The following MALRD1 variants were observed in gnomAD, a reference collection of about 807,000 sequenced individuals.
The protein encoded by MALRD1 is MAM and LDL-receptor class A domain-containing protein 1.
In MALRD1, 247 loss-of-function variants were observed where a neutral mutation model predicts 242.1. That is an observed-to-expected ratio of 1.02 (90% CI 0.92 to 1.13). The LOEUF (loss-of-function observed/expected upper bound fraction) is 1.13. Among genes scored for constraint, MALRD1 ranks in the 50% most tolerant of loss-of-function variants. The pLI, the probability that MALRD1 is intolerant of heterozygous loss-of-function variation, is 0.00. For missense variants in MALRD1, 2,989 were observed against 2,533.1 expected (o/e 1.18, Z -3.86); for synonymous variants, 995 against 866.6 (o/e 1.15, Z -2.60).
chr10:19,160,941 G>T (rs1404553327), intron 12 of MALRD1, among the ~76,000 whole-genome samples: 1 of 151,086 alleles, frequency 6.6e-6, no homozygotes, highest in African/African-American at 2.4e-5. Context: ...TTTTTGAAGG[G>T]TTTTTTGTGT....
chr10:19,073,222 C>T (rs1193199539), intron 2 of MALRD1, among the ~76,000 whole-genome samples: 1 of 151,760 alleles, frequency 6.6e-6, no homozygotes, highest in Non-Finnish European at 1.5e-5. Context: ...GCCTCTTAAC[C>T]CATTTTTAAT....
At chr10:19,105,772 G>A (rs1042640772) in intron 5 of MALRD1, among the ~76,000 whole-genome samples, 2 of 151,960 alleles carry the variant, frequency 1.3e-5, no homozygotes, top group African/African-American at 4.8e-5. Context: ...GCATTTCCCT[G>A]AGGATGAATG....
At chr10:19,694,736 G>A (rs974049505) in intron 38 of MALRD1, among the ~76,000 whole-genome samples, 1 of 152,104 alleles carries the variant, frequency 6.6e-6, no homozygotes, top group Non-Finnish European at 1.5e-5. Context: ...ATACCCAAAG[G>A]GATATAAATC....
chr10:19,126,711 A>AT (rs917821898), intron 7 of MALRD1, among the ~76,000 whole-genome samples: 35 of 150,000 alleles, frequency 2.3e-4, no homozygotes, highest in African/African-American at 5.4e-4. Context: ...ATTATTTTTT[A>AT]TTTTTTTTTA....
At chr10:19,470,169 T>C (rs7919431) in intron 29 of MALRD1, among the ~76,000 whole-genome samples, 52,536 of 151,866 alleles carry the variant, frequency 0.35, 9,162 homozygotes, top group East Asian at 0.46. Flanking sequence ...TAAAAGAAGA[T>C]TCCACATATA....
intron 14 of MALRD1, among the ~76,000 whole-genome samples, chr10:19,180,582 A>C (rs183480142): frequency 1.4e-4 from 22 of 152,336 alleles, no homozygotes; most frequent in Middle Eastern, 3.4e-3. Flanking sequence ...AAATGTAAGA[A>C]AGTCCTAAAT....
At chr10:19,260,305 A>G (rs1027750342) in intron 19 of MALRD1, among the ~76,000 whole-genome samples, 20 of 152,126 alleles carry the variant, frequency 1.3e-4, no homozygotes, top group Non-Finnish European at 1.2e-4. Context: ...AGACAGATAG[A>G]TCTTAATCAT....
intron 36 of MALRD1, among the ~76,000 whole-genome samples, chr10:19,634,220 CCT>C (rs1840031136): frequency 6.6e-6 from 1 of 152,144 alleles, no homozygotes; most frequent in Non-Finnish European, 1.5e-5. Flanking sequence ...CCTCTCATTT[CCT>C]GCTGCTTTCC....
chr10:19,229,037 T>G (rs1186822846), intron 18 of MALRD1, among the ~76,000 whole-genome samples: 2 of 151,958 alleles, frequency 1.3e-5, no homozygotes, highest in African/African-American at 4.8e-5. Flanking sequence ...AAAAATTTTA[T>G]TGGGGTTTTG....
intron 9 of MALRD1, among the ~76,000 whole-genome samples, chr10:19,136,339 GTT>G (rs60455365): frequency 6.9e-5 from 10 of 144,994 alleles, no homozygotes; most frequent in Admixed American, 4.1e-4. Flanking sequence ...GTTTCCATCA[GTT>G]TTTTTTTTTT....
At chr10:19,666,594 G>T (rs1447179005) in intron 36 of MALRD1, among the ~76,000 whole-genome samples, 1 of 152,042 alleles carries the variant, frequency 6.6e-6, no homozygotes, top group Non-Finnish European at 1.5e-5. Flanking sequence ...ATTCTCTTGG[G>T]AATATTGCCA....
Position 19,331,413 on chromosome 10 carries a change from A to G in MALRD1, c.3732A>G (p.Val1244=). Residue 1244 remains valine, a synonymous_variant, in exon 24 of 40, where the codon GTA becomes GTG. Coordinates refer to ENST00000454679, the MANE Select transcript of MALRD1 (RefSeq NM_001142308.3). ...GTGGTATCAGTTACATAGGAGATGT[A>G]GCAGTGGATGATATTTCCTTCCAAG... ...AKRGISYIGD[V]AVDDISFQDC... 6.4e-7 allele frequency: 1 copy of G among 1,550,524 alleles called. No individual in the cohort carries two copies. Among genetic ancestry groups the G allele is most frequent in the Non-Finnish European group, 8.7e-7 (1 of 1,146,916 alleles).
intron 5 of MALRD1, among the ~76,000 whole-genome samples, chr10:19,112,507 G>A (rs1588561445): frequency 6.6e-6 from 1 of 152,126 alleles, no homozygotes; most frequent in Admixed American, 6.6e-5. Context: ...ATCACCCCCA[G>A]TACTGTTAGA....
chr10:19,685,905 G>T (rs944366576), intron 36 of MALRD1, among the ~76,000 whole-genome samples: 1 of 152,160 alleles, frequency 6.6e-6, no homozygotes, highest in Admixed American at 6.5e-5. Context: ...GCGGTGATAG[G>T]TGTGGTTCTG....
At chr10:19,499,626 T>A (rs1272746504) in intron 31 of MALRD1, among the ~76,000 whole-genome samples, 1 of 152,150 alleles carries the variant, frequency 6.6e-6, no homozygotes, top group East Asian at 1.9e-4. Flanking sequence ...TCCTTCTGTA[T>A]ATACACACAT....
intron 28 of MALRD1, among the ~76,000 whole-genome samples, chr10:19,414,590 G>A (rs1833428231): frequency 6.6e-6 from 1 of 152,158 alleles, no homozygotes; most frequent in Admixed American, 6.6e-5. Context: ...CCAGAAAGAT[G>A]TTAAAGTTAG....
chr10:19,384,467 A>G (rs1485691301), intron 26 of MALRD1, among the ~76,000 whole-genome samples: 1 of 117,246 alleles, frequency 8.5e-6, no homozygotes, highest in Non-Finnish European at 1.6e-5. Context: ...TATAATATAT[A>G]CTATATATTA....
chr10:19,509,544 T>G (rs1447036700), intron 31 of MALRD1, among the ~76,000 whole-genome samples: 2 of 152,182 alleles, frequency 1.3e-5, no homozygotes, highest in African/African-American at 4.8e-5. Context: ...CTTGAGAGGT[T>G]GATGCAAACC....
intron 19 of MALRD1, among the ~76,000 whole-genome samples, chr10:19,276,537 A>G (rs1011517668): frequency 6.6e-6 from 1 of 152,160 alleles, no homozygotes; most frequent in Non-Finnish European, 1.5e-5. Context: ...TTATAATCTC[A>G]TTATAGATTT....
Sources: gnomAD v4.1 joint callset for allele counts (sites outside exome capture counted in the v4.1 genomes callset) on GRCh38, gnomAD v4.1.1 for gene constraint, MANE v1.5 for transcripts, NCBI Gene and HGNC (gene_info 2026-07-23, HGNC 2026-07-21) for gene names.